DGKB: variants seen among roughly 807,000 people sequenced by gnomAD.
DGKB encodes diacylglycerol kinase beta.
DGKB carries 67 observed loss-of-function variants against 114.3 expected under a neutral mutation model. That is an observed-to-expected ratio of 0.59 (90% CI 0.48 to 0.72). The LOEUF is 0.72. DGKB is among the 30% of genes least tolerant of loss of function. The pLI is 0.00. For missense variants in DGKB, 907 were observed against 975.2 expected, an observed-to-expected ratio of 0.93 and a Z score of 0.93; for synonymous variants, 398 against 323.1, an observed-to-expected ratio of 1.23 and a Z score of -2.49.
chr7:14,465,070 T>G (rs1833632314), intron 21 of DGKB, among the ~76,000 whole-genome samples: 1 of 152,126 alleles, frequency 6.6e-6, no homozygotes, highest in Admixed American at 6.6e-5. Flanking sequence ...GAATACTTTT[T>G]GGGGATGTCT....
intron 17 of DGKB, among the ~76,000 whole-genome samples, chr7:14,600,993 G>C (rs754400671): frequency 3.5e-4 from 54 of 152,260 alleles, no homozygotes; most frequent in Non-Finnish European, 6.6e-4. Context: ...TCTCTGCAGG[G>C]GCCTGAACCA....
At chr7:14,607,314 A>C in intron 17 of DGKB, 120 bp downstream of exon 17, 1 of 596,568 alleles carries the variant, frequency 1.7e-6, no homozygotes, top group East Asian at 3.3e-5. Flanking sequence ...TTGATATTTC[A>C]TTTTTATGTA....
chr7:14,699,849 T>C (rs532129532), intron 7 of DGKB, among the ~76,000 whole-genome samples: 18 of 152,196 alleles, frequency 1.2e-4, no homozygotes, highest in African/African-American at 3.6e-4. Context: ...GGGACTATAG[T>C]TCTAAATATT....
chr7:14,621,771 T>C (rs1477534993), intron 14 of DGKB, among the ~76,000 whole-genome samples: 1 of 152,082 alleles, frequency 6.6e-6, no homozygotes. Flanking sequence ...CAAAAGTTAC[T>C]AACGATTACT....
At chr7:14,376,065 C>T (rs1340834748) in intron 21 of DGKB, among the ~76,000 whole-genome samples, 2 of 152,132 alleles carry the variant, frequency 1.3e-5, no homozygotes, top group Non-Finnish European at 2.9e-5. Context: ...TACAGATAAT[C>T]CAGGGTAAAA....
chr7:14,715,826 C>T (rs1828094758), intron 6 of DGKB, among the ~76,000 whole-genome samples: 2 of 152,120 alleles, frequency 1.3e-5, no homozygotes, highest in Admixed American at 1.3e-4. Context: ...ATATACATTT[C>T]TCAACTTCAA....
At chr7:14,890,884 A>G (rs1239608449) in intron 1 of DGKB, among the ~76,000 whole-genome samples, 1 of 151,300 alleles carries the variant, frequency 6.6e-6, no homozygotes, top group Non-Finnish European at 1.5e-5. Flanking sequence ...AAAAAAAAAA[A>G]ATCCCTAAAT....
intron 23 of DGKB, among the ~76,000 whole-genome samples, chr7:14,198,879 C>T (rs991317633): frequency 3.9e-5 from 6 of 151,902 alleles, no homozygotes; most frequent in Admixed American, 3.9e-4. Flanking sequence ...GCGAACTGTG[C>T]AGAAATATTT....
intron 13 of DGKB, among the ~76,000 whole-genome samples, chr7:14,643,487 A>T (rs1338513528): frequency 2.0e-5 from 3 of 152,122 alleles, no homozygotes; most frequent in Admixed American, 6.5e-5. Context: ...GTATCTCCAC[A>T]TCCATAGTAT....
chr7:14,931,829 T>C (rs1785034473), intron 1 of DGKB, among the ~76,000 whole-genome samples: 2 of 143,336 alleles, frequency 1.4e-5, no homozygotes, highest in African/African-American at 5.0e-5. Context: ...ACTGTTCAGG[T>C]CCCAGGGAGC....
chr7:14,348,496 G>GA lies in DGKB; in HGVS notation c.1836-3106dup, dbSNP rs888462298. Among the ~76,000 whole-genome samples, 94 of 148,954 alleles carry GA rather than the reference G, an allele frequency of 6.3e-4. 1 individual carries two copies. The highest frequency in any genetic ancestry group is 2.0e-3 in the African/African-American group (80 of 40,660). ...TTTCACCAAAATAGATATACAGATG[G>GA]AAAAAAAAATGTAAAGATGCTCAAC... On this transcript the variant is annotated intron_variant, in intron 21 of 25. Transcript: ENST00000402815.
At chr7:14,682,238 T>C (rs1820964501) in intron 12 of DGKB, among the ~76,000 whole-genome samples, 1 of 152,048 alleles carries the variant, frequency 6.6e-6, no homozygotes, top group South Asian at 2.1e-4. Flanking sequence ...CAGTATCCTA[T>C]TCTTATTGCT....
intron 4 of DGKB, among the ~76,000 whole-genome samples, chr7:14,743,651 A>G (rs1832871495): frequency 6.6e-6 from 1 of 152,184 alleles, no homozygotes; most frequent in Admixed American, 6.5e-5. Flanking sequence ...TTAGTGAATA[A>G]TGCTAACATA....
In DGKB at chr7:14,757,751, C is replaced by T. The variant is rs748952327; in HGVS notation, c.71-20G>A. ...TAGAATCTATAAAAAACAGAAAACA[C>T]AAAAATTGTTTATATGCACATACTG... On this transcript the variant is annotated intron_variant, in intron 2 of 25. Transcript: ENST00000402815. 15 of 1,482,294 alleles carry T rather than the reference C, an allele frequency of 1.0e-5. No homozygotes were observed. In the African/African-American group the frequency reaches 1.9e-4, roughly 19 times the overall value. The allele number at this position is 1,482,294 out of a possible 1,614,324, so 91.8% of individuals were successfully genotyped here.
At chr7:14,547,368 G>A (rs921876770) in intron 20 of DGKB, among the ~76,000 whole-genome samples, 14 of 151,916 alleles carry the variant, frequency 9.2e-5, no homozygotes, top group African/African-American at 3.4e-4. Context: ...GTAAGTAAAT[G>A]GAATAAAATG....
intron 1 of DGKB, among the ~76,000 whole-genome samples, chr7:14,929,955 C>A (rs1406478587): frequency 6.6e-6 from 1 of 152,110 alleles, no homozygotes; most frequent in Non-Finnish European, 1.5e-5. Context: ...TCCAATTTTT[C>A]CAGCATCGTT....
At chr7:14,727,014 T>C (rs527902483) in intron 5 of DGKB, among the ~76,000 whole-genome samples, 1 of 152,358 alleles carries the variant, frequency 6.6e-6, no homozygotes, top group Admixed American at 6.5e-5. Context: ...AATGTTATGA[T>C]GGATTTGGGC....
intron 13 of DGKB, among the ~76,000 whole-genome samples, chr7:14,661,359 A>G (rs952119659): frequency 1.4e-5 from 2 of 146,046 alleles, no homozygotes; most frequent in East Asian, 2.0e-4. Flanking sequence ...AATTTACAAG[A>G]AAAAAACAAA....
At chr7:14,735,442 A>G (rs746342468) in intron 5 of DGKB, among the ~76,000 whole-genome samples, 5 of 152,072 alleles carry the variant, frequency 3.3e-5, no homozygotes, top group Non-Finnish European at 7.4e-5. Context: ...CAGCTTAACC[A>G]ATTACACTGT....
Sources: gnomAD v4.1 joint callset for allele counts (sites outside exome capture counted in the v4.1 genomes callset) on GRCh38, gnomAD v4.1.1 for gene constraint, MANE v1.5 for transcripts, NCBI Gene and HGNC (gene_info 2026-07-23, HGNC 2026-07-21) for gene names.